ROBO2: variants seen among roughly 807,000 people sequenced by gnomAD.
The protein encoded by ROBO2 is roundabout homolog 2.
A neutral mutation model predicts 160.8 loss-of-function variants in ROBO2; 53 were observed. The observed-to-expected ratio is 0.33, with a 90% CI of 0.26 to 0.41. The LOEUF (loss-of-function observed/expected upper bound fraction) is 0.41, where lower values mean the gene tolerates loss of function less well. Ranked by LOEUF, ROBO2 falls within the 10% of genes least tolerant of loss-of-function variation. The pLI, the probability that ROBO2 is intolerant of heterozygous loss-of-function variation, is 1.00. For missense variants in ROBO2, 1,577 were observed against 1,722.4 expected (o/e 0.92, Z 1.49); for synonymous variants, 664 against 611.7 (o/e 1.09, Z -1.26).
At chr3:77,240,190 G>A (rs2088789682) in intron 2 of ROBO2, among the ~76,000 whole-genome samples, 1 of 152,134 alleles carries the variant, frequency 6.6e-6, no homozygotes, top group Non-Finnish European at 1.5e-5. Context: ...CCACCACAGT[G>A]GCACTCGGGC....
chr3:76,697,588 G>A (rs184712746), intron 2 of ROBO2, among the ~76,000 whole-genome samples: 1 of 152,250 alleles, frequency 6.6e-6, no homozygotes, highest in African/African-American at 2.4e-5. Context: ...TCTAGCTGCA[G>A]TGAACCATAA....
At chr3:77,414,991 G>A (rs1178407209) in intron 2 of ROBO2, among the ~76,000 whole-genome samples, 2 of 152,166 alleles carry the variant, frequency 1.3e-5, no homozygotes, top group Non-Finnish European at 2.9e-5. Context: ...TCAGGAAGCT[G>A]CCCATCTGGT....
At chr3:76,833,737 T>C (rs1162188612) in intron 2 of ROBO2, among the ~76,000 whole-genome samples, 1 of 152,160 alleles carries the variant, frequency 6.6e-6, no homozygotes, top group East Asian at 1.9e-4. Flanking sequence ...CCCTCTCATC[T>C]CTTTTATCCT....
At chr3:76,407,168 G>C (rs2075243795) in intron 2 of ROBO2, among the ~76,000 whole-genome samples, 1 of 151,474 alleles carries the variant, frequency 6.6e-6, no homozygotes, top group South Asian at 2.1e-4. Context: ...TTATTAACAT[G>C]GTCACCTGAT....
In ROBO2 at chr3:76,683,462, C is replaced by T. The variant is rs867367307; in HGVS notation, c.110-414552C>T. ...AGTTCTTTTTATAAGTAACCCCCAC[C>T]GAAAAAAAAAAAAAAAAACCTGGAA... On this transcript the variant is annotated intron_variant, in intron 2 of 26. Transcript: ENST00000487694. Among the ~76,000 whole-genome samples the T allele has an allele frequency of 9.9e-5, 7 of 70,934 alleles. No homozygotes were observed. The South Asian group carries it at 2.4e-3, about 24-fold the overall frequency. 46.5% of individuals were successfully genotyped at this position (70,934 alleles called of 152,430 possible). A position where few individuals can be genotyped will look rare whatever the true frequency, so the allele number is the denominator to read the frequency against.
chr3:76,392,586 C>G (rs1050555233), intron 2 of ROBO2, among the ~76,000 whole-genome samples: 1 of 151,964 alleles, frequency 6.6e-6, no homozygotes, highest in Non-Finnish European at 1.5e-5. Context: ...TGCATTTTCC[C>G]GCAAAATGAT....
intron 2 of ROBO2, among the ~76,000 whole-genome samples, chr3:76,273,333 G>C (rs1042053535): frequency 1.3e-5 from 2 of 151,288 alleles, no homozygotes; most frequent in African/African-American, 4.9e-5. Context: ...TTGACTCTCA[G>C]GAGTAGGTCA....
intron 2 of ROBO2, among the ~76,000 whole-genome samples, chr3:76,440,019 C>T (rs908553638): frequency 2.0e-5 from 3 of 152,050 alleles, no homozygotes; most frequent in Non-Finnish European, 2.9e-5. Context: ...AGTTCCAGTC[C>T]TTCTCCTTAA....
intron 1 of ROBO2, among the ~76,000 whole-genome samples, chr3:75,935,371 G>A (rs926518102): frequency 3.5e-4 from 53 of 151,894 alleles, no homozygotes; most frequent in African/African-American, 1.3e-3. Context: ...AATTAGCCGG[G>A]GATGGTGGTG....
intron 2 of ROBO2, among the ~76,000 whole-genome samples, chr3:76,909,502 C>G (rs186942720): frequency 2.7e-4 from 41 of 152,162 alleles, no homozygotes; most frequent in African/African-American, 9.9e-4. Context: ...TCAGAACTCA[C>G]CACTGTACAA....
chr3:77,516,367 T>C (rs953974995), intron 5 of ROBO2, among the ~76,000 whole-genome samples: 14 of 151,596 alleles, frequency 9.2e-5, no homozygotes, highest in Non-Finnish European at 1.6e-4. Flanking sequence ...AAGAGTATAT[T>C]TGAGAATACT....
chr3:76,318,895 A>G (rs1015927604), intron 2 of ROBO2, among the ~76,000 whole-genome samples: 2 of 152,184 alleles, frequency 1.3e-5, no homozygotes, highest in Non-Finnish European at 2.9e-5. Flanking sequence ...AGTTGGTAAT[A>G]AGGTGTTTGC....
intron 2 of ROBO2, among the ~76,000 whole-genome samples, chr3:76,263,608 T>C (rs762458574): frequency 6.6e-6 from 1 of 152,088 alleles, no homozygotes; most frequent in Non-Finnish European, 1.5e-5. Flanking sequence ...TTTCATGATT[T>C]TGAACAAGTA....
intron 2 of ROBO2, among the ~76,000 whole-genome samples, chr3:76,198,355 C>A (rs949326813): frequency 6.6e-6 from 1 of 152,154 alleles, no homozygotes; most frequent in African/African-American, 2.4e-5. Context: ...AACATGAAAA[C>A]AGAGATCTTA....
At chr3:75,983,321 T>C (rs1468737983) in intron 2 of ROBO2, among the ~76,000 whole-genome samples, 1 of 151,444 alleles carries the variant, frequency 6.6e-6, no homozygotes, top group Non-Finnish European at 1.5e-5. Context: ...TAATTTTTAC[T>C]AGTTGGCAGT....
chr3:76,164,163 C>T (rs952888530), intron 2 of ROBO2, among the ~76,000 whole-genome samples: 3 of 152,206 alleles, frequency 2.0e-5, no homozygotes, highest in African/African-American at 7.2e-5. Flanking sequence ...GAGACAACTT[C>T]TCATGCATTA....
At chr3:77,092,827 G>A (rs1275774576) in intron 1 of ROBO2, among the ~76,000 whole-genome samples, 1 of 150,384 alleles carries the variant, frequency 6.6e-6, no homozygotes, top group African/African-American at 2.4e-5. Context: ...CATTATATGG[G>A]CAATAATAAC....
chr3:76,999,925 T>C (rs1320380608), intron 2 of ROBO2, among the ~76,000 whole-genome samples: 1 of 152,154 alleles, frequency 6.6e-6, no homozygotes, highest in Admixed American at 6.6e-5. Flanking sequence ...TTTCATTGCT[T>C]TTGTATCCTC....
chr3:76,596,575 G>T (rs1323265090), intron 2 of ROBO2, among the ~76,000 whole-genome samples: 2 of 152,102 alleles, frequency 1.3e-5, no homozygotes, highest in Non-Finnish European at 2.9e-5. Context: ...ATCACAAGCT[G>T]AGAAAACACA....
Sources: gnomAD v4.1 joint callset for allele counts (sites outside exome capture counted in the v4.1 genomes callset) on GRCh38, gnomAD v4.1.1 for gene constraint, MANE v1.5 for transcripts, NCBI Gene and HGNC (gene_info 2026-07-23, HGNC 2026-07-21) for gene names.